MFF: variants seen among roughly 807,000 people sequenced by gnomAD.
MFF encodes the protein mitochondrial fission factor.
A neutral mutation model predicts 36.9 loss-of-function variants in MFF; 12 were observed. The ratio of observed to expected loss-of-function variants is 0.33; its 90% CI spans 0.21 to 0.53. MFF has a LOEUF of 0.53. MFF is among the 20% of genes least tolerant of loss of function. MFF has a pLI of 0.95. For synonymous variants in MFF, 99 were observed against 126.2 expected (o/e 0.78, Z 1.44); for missense variants, 348 against 366.6 (o/e 0.95, Z 0.42).
intron 5 of MFF, among the ~76,000 whole-genome samples, chr2:227,343,151 C>G (rs565526098): frequency 6.6e-6 from 1 of 151,656 alleles, no homozygotes; most frequent in East Asian, 1.9e-4. Flanking sequence ...TCAACGTCAC[C>G]TGGTGCAGTG....
chr2:227,357,176 A>C lies in MFF; in HGVS notation c.*59A>C. 2.6e-6 allele frequency: 4 copies of C among 1,566,888 alleles called. No homozygotes were observed. Among genetic ancestry groups the C allele is most frequent in the South Asian group, 1.1e-5 (1 of 87,124 alleles). On this transcript the variant is annotated 3_prime_UTR_variant, in exon 9 of 9. Transcript: ENST00000304593. ...CAGCTGGAAATATAAAAGATTTGCA[A>C]ACTTCTTTGTTTCTGTCTCTGCATT...
intron 4 of MFF, among the ~76,000 whole-genome samples, chr2:227,339,564 T>C (rs899335052): frequency 9.2e-5 from 14 of 152,344 alleles, no homozygotes; most frequent in African/African-American, 3.1e-4. Context: ...ACTGTGTGGC[T>C]ACTTGGCCTT....
chr2:227,342,954 G>T, intron 5 of MFF: 1 of 598,836 alleles, frequency 1.7e-6, no homozygotes, highest in Non-Finnish European at 2.8e-6. Flanking sequence ...TAGTACCTCT[G>T]TTTCAGGATT....
At chr2:227,355,308 A>G (rs1041087143) in intron 7 of MFF, 1 of 159,676 alleles carries the variant, frequency 6.3e-6, no homozygotes, top group African/African-American at 2.4e-5. Flanking sequence ...ATATGGACAT[A>G]AGTTTGTGTA....
chr2:227,353,180 T>G (rs1200988142), intron 7 of MFF, among the ~76,000 whole-genome samples: 1 of 152,220 alleles, frequency 6.6e-6, no homozygotes. Flanking sequence ...CCTTTCTTCC[T>G]GACACGCACA....
intron 4 of MFF, among the ~76,000 whole-genome samples, chr2:227,337,102 A>G (rs551216136): frequency 6.6e-6 from 1 of 152,378 alleles, no homozygotes; most frequent in African/African-American, 2.4e-5. Flanking sequence ...GAGAAGAGGA[A>G]AAGCTGAATT....
Position 227,347,321 on chromosome 2 carries a change from T to C in MFF, c.536T>C (p.Leu179Pro). 1 of 1,613,834 alleles carries C rather than the reference T, an allele frequency of 6.2e-7. No individual in the cohort carries two copies. The highest frequency in any genetic ancestry group is 8.5e-7 in the Non-Finnish European group (1 of 1,179,786). Residue 179 changes from leucine to proline, a missense_variant, in exon 6 of 9, where the codon CTT becomes CCT. Transcript: ENST00000304593. ...NLSSARGILS[L>P]IQSSTRRAYQ... is the part of the protein sequence containing the mutation. ...TCCTCTGCTCGTGGCATTTTGTCGC[T>C]TATCCAGTCTTCTACTCGTAGGGCA... is the stretch of plus-strand genomic sequence containing the variant.
intron 5 of MFF, among the ~76,000 whole-genome samples, chr2:227,340,747 T>A (rs1444389428): frequency 6.6e-6 from 1 of 152,208 alleles, no homozygotes; most frequent in African/African-American, 2.4e-5. Flanking sequence ...AATTTTTTGG[T>A]CCTTTTCATT....
At chr2:227,335,063 C>G (rs2074884236) in intron 4 of MFF, among the ~76,000 whole-genome samples, 2 of 151,114 alleles carry the variant, frequency 1.3e-5, no homozygotes, top group Admixed American at 1.3e-4. Context: ...CCCAGCTACT[C>G]TGGAGGGGGA....
At chr2:227,346,576 T>C (rs2075725428) in intron 5 of MFF, 1 of 152,228 alleles carries the variant, frequency 6.6e-6, no homozygotes, top group South Asian at 2.1e-4. Context: ...TTGCCTTCTT[T>C]TGCTGTATTC....
chr2:227,348,497 G>A (rs983963005), intron 6 of MFF, among the ~76,000 whole-genome samples: 2 of 152,130 alleles, frequency 1.3e-5, no homozygotes, highest in African/African-American at 4.8e-5. Context: ...GGTGTGGGGA[G>A]GGGAATTATA....
At chr2:227,342,176 A>G (rs1326224907) in intron 5 of MFF, among the ~76,000 whole-genome samples, 1 of 152,050 alleles carries the variant, frequency 6.6e-6, no homozygotes, top group East Asian at 1.9e-4. Flanking sequence ...ATGAATCTTT[A>G]TACATTTTCA....
At chr2:227,335,448 CGTT>C (rs1489796685) in intron 4 of MFF, among the ~76,000 whole-genome samples, 5 of 152,092 alleles carry the variant, frequency 3.3e-5, no homozygotes, top group Non-Finnish European at 7.4e-5. Context: ...GATTACACAA[CGTT>C]GTGAGTGTAC....
intron 7 of MFF, among the ~76,000 whole-genome samples, chr2:227,353,483 C>T (rs2076103979): frequency 6.6e-6 from 1 of 152,140 alleles, no homozygotes; most frequent in African/African-American, 2.4e-5. Context: ...AATTGAAAAG[C>T]GTGCCTGTGG....
At chr2:227,337,256 C>A (rs1172455412) in intron 4 of MFF, among the ~76,000 whole-genome samples, 2 of 152,252 alleles carry the variant, frequency 1.3e-5, no homozygotes, top group Admixed American at 1.3e-4. Flanking sequence ...TCCCAAAACC[C>A]GCAGTCACTG....
chr2:227,329,307 G>C (rs922775882), intron 2 of MFF: 1 of 178,458 alleles, frequency 5.6e-6, no homozygotes, highest in Non-Finnish European at 1.2e-5. Context: ...GATTAGAGGA[G>C]TTTTATGGCA....
intron 1 of MFF, chr2:227,325,806 A>G (rs1445810448): frequency 5.3e-5 from 8 of 152,276 alleles, no homozygotes; most frequent in Admixed American, 4.6e-4. Context: ...GTCTTCACTC[A>G]TCCTTCCCTG....
intron 5 of MFF, chr2:227,340,661 T>C: frequency 3.4e-6 from 1 of 292,292 alleles, no homozygotes; most frequent in East Asian, 7.0e-5. Context: ...TGAGCTATGT[T>C]AAACAGTGTA....
intron 6 of MFF, among the ~76,000 whole-genome samples, chr2:227,348,512 C>T (rs942618933): frequency 1.3e-5 from 2 of 152,094 alleles, no homozygotes; most frequent in Non-Finnish European, 2.9e-5. Flanking sequence ...ATTATATATA[C>T]ATGTATATGT....
Sources: gnomAD v4.1 joint callset for allele counts (sites outside exome capture counted in the v4.1 genomes callset) on GRCh38, gnomAD v4.1.1 for gene constraint, MANE v1.5 for transcripts, NCBI Gene and HGNC (gene_info 2026-07-23, HGNC 2026-07-21) for gene names.